Variants in ZNF804A observed in about 807,000 individuals in gnomAD.
ZNF804A encodes zinc finger protein 804A.
Under a neutral mutation model 16.5 loss-of-function variants are expected in ZNF804A, and 2 were observed. That is an observed-to-expected ratio of 0.12 (90% CI 0.05 to 0.38). ZNF804A has a LOEUF of 0.38. Ranked by LOEUF, ZNF804A falls within the 10% of genes least tolerant of loss-of-function variation. ZNF804A has a pLI of 0.99. For synonymous variants in ZNF804A, 534 were observed against 489.6 expected (o/e 1.09, Z -1.20); for missense variants, 1,473 against 1,390.7 (o/e 1.06, Z -0.94).
chr2:184,809,855 T>C (rs1488721760), intron 1 of ZNF804A, among the ~76,000 whole-genome samples: 1 of 152,132 alleles, frequency 6.6e-6, no homozygotes, highest in Non-Finnish European at 1.5e-5. Context: ...GCTTTATAAA[T>C]ATCGAGGTAT....
intron 1 of ZNF804A, among the ~76,000 whole-genome samples, chr2:184,626,026 G>A (rs1351782264): frequency 6.6e-6 from 1 of 151,938 alleles, no homozygotes; most frequent in Non-Finnish European, 1.5e-5. Context: ...CCGCCACCAC[G>A]CCCAGCTAAT....
intron 1 of ZNF804A, among the ~76,000 whole-genome samples, chr2:184,615,392 G>T (rs1691303299): frequency 6.6e-6 from 1 of 152,172 alleles, no homozygotes; most frequent in Non-Finnish European, 1.5e-5. Flanking sequence ...ATAATTGGGT[G>T]ATGGCACATC....
intron 1 of ZNF804A, among the ~76,000 whole-genome samples, chr2:184,757,768 T>C (rs1264436049): frequency 6.6e-6 from 1 of 151,968 alleles, no homozygotes; most frequent in Non-Finnish European, 1.5e-5. Flanking sequence ...ATCCTTGCCA[T>C]GAGATTCAAA....
At chr2:184,614,731 G>T (rs1176747831) in intron 1 of ZNF804A, among the ~76,000 whole-genome samples, 1 of 152,110 alleles carries the variant, frequency 6.6e-6, no homozygotes, top group Non-Finnish European at 1.5e-5. Context: ...GGCAGAGGAT[G>T]TGAACAGACA....
intron 1 of ZNF804A, among the ~76,000 whole-genome samples, chr2:184,780,016 C>T (rs943038903): frequency 2.6e-5 from 4 of 151,656 alleles, no homozygotes; most frequent in African/African-American, 2.4e-5. Context: ...CCCACAGGCT[C>T]CCAGGCTTCA....
intron 1 of ZNF804A, among the ~76,000 whole-genome samples, chr2:184,658,523 T>C (rs1466985239): frequency 8.6e-5 from 13 of 151,752 alleles, no homozygotes; most frequent in Admixed American, 7.9e-4. Flanking sequence ...ACACCAAGAA[T>C]TTTTTTTCTG....
chr2:184,848,349 G>A (rs1695553386), intron 1 of ZNF804A, among the ~76,000 whole-genome samples: 1 of 151,924 alleles, frequency 6.6e-6, no homozygotes, highest in Non-Finnish European at 1.5e-5. Flanking sequence ...TGCTTATGTT[G>A]TACTCTGTCT....
intron 3 of ZNF804A, 63 bp from the exon 4 acceptor site, chr2:184,935,720 A>T: frequency 6.8e-7 from 1 of 1,481,118 alleles, no homozygotes; most frequent in Non-Finnish European, 9.0e-7. Flanking sequence ...AGATGAAAAT[A>T]TTTGACTATT....
At chr2:184,661,542 A>G (rs1227766962) in intron 1 of ZNF804A, among the ~76,000 whole-genome samples, 1 of 152,234 alleles carries the variant, frequency 6.6e-6, no homozygotes, top group African/African-American at 2.4e-5. Context: ...AGCTGAGTCC[A>G]GAGGTTTGTA....
At chr2:184,914,341 A>G (rs956074165) in intron 2 of ZNF804A, among the ~76,000 whole-genome samples, 1 of 152,148 alleles carries the variant, frequency 6.6e-6, no homozygotes, top group African/African-American at 2.4e-5. Flanking sequence ...ATGGCTTAGA[A>G]GCCCCTCAAG....
At chr2:184,625,227 A>G (rs1040623298) in intron 1 of ZNF804A, among the ~76,000 whole-genome samples, 1 of 152,176 alleles carries the variant, frequency 6.6e-6, no homozygotes, top group African/African-American at 2.4e-5. Context: ...TGTGACAGAT[A>G]TAATTTTAAA....
At chr2:184,620,663 A>G (rs1691403356) in intron 1 of ZNF804A, among the ~76,000 whole-genome samples, 1 of 151,778 alleles carries the variant, frequency 6.6e-6, no homozygotes, top group Non-Finnish European at 1.5e-5. Flanking sequence ...TTTCAAGGAC[A>G]GTATAATATT....
At chr2:184,622,994 A>C (rs759379502) in intron 1 of ZNF804A, among the ~76,000 whole-genome samples, 2 of 152,080 alleles carry the variant, frequency 1.3e-5, no homozygotes, top group Admixed American at 1.3e-4. Flanking sequence ...GCTATATGCT[A>C]TTAGGTGGAC....
At chr2:184,846,573 T>G (rs966368696) in intron 1 of ZNF804A, among the ~76,000 whole-genome samples, 3 of 152,116 alleles carry the variant, frequency 2.0e-5, no homozygotes, top group Non-Finnish European at 4.4e-5. Context: ...GAAAACCTGA[T>G]GTACATGTTC....
At chr2:184,632,310 C>T (rs1165233389) in intron 1 of ZNF804A, among the ~76,000 whole-genome samples, 1 of 152,108 alleles carries the variant, frequency 6.6e-6, no homozygotes, top group Non-Finnish European at 1.5e-5. Flanking sequence ...ACTATTAATG[C>T]TAAATTATCT....
rs550639378 is a variant in ZNF804A, at chr2:184,861,981, G to A, written c.112-4388G>A. Among the ~76,000 whole-genome samples, 6 of 152,248 alleles carry A rather than the reference G, an allele frequency of 3.9e-5. No individual in the cohort carries two copies. The South Asian group carries it at 1.2e-3, about 32-fold the overall frequency. On this transcript the variant is annotated intron_variant, in intron 1 of 3. Coordinates refer to ENST00000302277, the MANE Select transcript of ZNF804A (RefSeq NM_194250.2). The stretch of plus-strand genomic sequence containing the variant: ...CTGTTTTTACATATATGTAAAAAGT[G>A]CTGAGTTAGAATGACCTGACTCGTT...
intron 2 of ZNF804A, among the ~76,000 whole-genome samples, chr2:184,929,398 G>A (rs779558847): frequency 1.4e-4 from 22 of 151,966 alleles, no homozygotes; most frequent in Non-Finnish European, 2.9e-4. Context: ...TAGAAGCATT[G>A]CACTTTTATC....
intron 1 of ZNF804A, among the ~76,000 whole-genome samples, chr2:184,669,752 T>TCACA (rs71403982): frequency 1.4e-5 from 1 of 70,198 alleles, no homozygotes; most frequent in Non-Finnish European, 3.1e-5. Context: ...CATCTCTCTC[T>TCACA]CACACACACA....
intron 1 of ZNF804A, among the ~76,000 whole-genome samples, chr2:184,715,457 T>C (rs1282718247): frequency 6.6e-6 from 1 of 152,164 alleles, no homozygotes; most frequent in Non-Finnish European, 1.5e-5. Flanking sequence ...TGATCATGGC[T>C]CTCACTGTTA....
Sources: gnomAD v4.1 joint callset for allele counts (sites outside exome capture counted in the v4.1 genomes callset) on GRCh38, gnomAD v4.1.1 for gene constraint, MANE v1.5 for transcripts, NCBI Gene and HGNC (gene_info 2026-07-23, HGNC 2026-07-21) for gene names.